ADAM22: variants seen among roughly 807,000 people sequenced by gnomAD.
ADAM22 encodes the protein ADAM metallopeptidase domain 22, also known as disintegrin and metalloproteinase domain-containing protein 22.
In ADAM22, 65 loss-of-function variants were observed where a neutral mutation model predicts 144.6. That is an observed-to-expected ratio of 0.45 (90% CI 0.37 to 0.55). The LOEUF is 0.55. Ranked by LOEUF, ADAM22 falls within the 20% of genes least tolerant of loss-of-function variation. The pLI, the probability that ADAM22 is intolerant of heterozygous loss-of-function variation, is 0.00. For missense variants in ADAM22, 974 were observed against 1,184.9 expected, an observed-to-expected ratio of 0.82 and a Z score of 2.61; for synonymous variants, 391 against 412.6, an observed-to-expected ratio of 0.95 and a Z score of 0.63.
chr7:88,038,006 T>C (rs1030087883), intron 3 of ADAM22, among the ~76,000 whole-genome samples: 2 of 152,192 alleles, frequency 1.3e-5, no homozygotes, highest in Admixed American at 6.5e-5. Context: ...CATAGTGATA[T>C]ATCTCAGCCA....
intron 3 of ADAM22, among the ~76,000 whole-genome samples, chr7:88,039,464 A>AAAAAAAAAAAAAAAAAAAAAAAT: frequency 2.6e-5 from 2 of 76,404 alleles, no homozygotes; most frequent in Non-Finnish European, 5.4e-5. Context: ...AAAAAAAAAA[A>AAAAAAAAAAAAAAAAAAAAAAAT]ATATATATAT....
intron 3 of ADAM22, among the ~76,000 whole-genome samples, chr7:88,005,796 A>G (rs997327327): frequency 1.3e-5 from 2 of 152,194 alleles, no homozygotes; most frequent in Admixed American, 6.5e-5. Context: ...TTAAGAAAAA[A>G]ATATAAAATT....
At chr7:88,085,972 C>T (rs958942308) in intron 4 of ADAM22, among the ~76,000 whole-genome samples, 3 of 152,050 alleles carry the variant, frequency 2.0e-5, no homozygotes, top group Admixed American at 6.6e-5. Flanking sequence ...GTCAGGAGAT[C>T]GAGACCATCA....
intron 3 of ADAM22, among the ~76,000 whole-genome samples, chr7:88,036,206 A>G (rs1448303663): frequency 6.6e-6 from 1 of 152,150 alleles, no homozygotes; most frequent in Non-Finnish European, 1.5e-5. Context: ...TTTTCTATAT[A>G]ATCCTTCATT....
intron 3 of ADAM22, among the ~76,000 whole-genome samples, chr7:87,981,984 A>C (rs1170320872): frequency 6.6e-6 from 1 of 151,144 alleles, no homozygotes; most frequent in East Asian, 1.9e-4. Context: ...ATTTAATACA[A>C]AGTTATTGTG....
chr7:88,144,685 T>C (rs1360732081), intron 15 of ADAM22, among the ~76,000 whole-genome samples: 2 of 152,074 alleles, frequency 1.3e-5, no homozygotes, highest in African/African-American at 2.4e-5. Context: ...GTTTTAGATA[T>C]TAAGTTCTCT....
At chr7:88,033,850 C>T (rs1444222019) in intron 3 of ADAM22, among the ~76,000 whole-genome samples, 1 of 152,104 alleles carries the variant, frequency 6.6e-6, no homozygotes, top group East Asian at 1.9e-4. Context: ...TGGAGTACTG[C>T]CAGGCTACCA....
chr7:88,019,979 T>C (rs1329313946), intron 3 of ADAM22, among the ~76,000 whole-genome samples: 2 of 151,708 alleles, frequency 1.3e-5, no homozygotes, highest in African/African-American at 4.8e-5. Flanking sequence ...TCATCTTCCA[T>C]AATATAGATG....
intron 14 of ADAM22, among the ~76,000 whole-genome samples, chr7:88,142,619 A>T (rs1835036154): frequency 6.6e-6 from 1 of 152,134 alleles, no homozygotes; most frequent in South Asian, 2.1e-4. Context: ...CGGGCGGATC[A>T]CAAAGTCAGG....
intron 2 of ADAM22, among the ~76,000 whole-genome samples, chr7:87,970,693 G>A (rs1850223789): frequency 6.6e-6 from 1 of 152,070 alleles, no homozygotes; most frequent in South Asian, 2.1e-4. Context: ...AGGAGAAGAG[G>A]ACAGGCTGCC....
At chr7:88,153,711 TG>T (rs969508872) in intron 21 of ADAM22, among the ~76,000 whole-genome samples, 4 of 152,218 alleles carry the variant, frequency 2.6e-5, no homozygotes, top group Admixed American at 6.5e-5. Flanking sequence ...ACTGTCCTTC[TG>T]TCTAGAAGCC....
Position 87,934,380 on chromosome 7 carries a change from C to T in ADAM22, c.-86C>T. The T allele has an allele frequency of 5.1e-6, 7 of 1,382,416 alleles. No homozygotes were observed. In the South Asian group the frequency reaches 5.2e-5, roughly 10 times the overall value. The allele number at this position is 1,382,416 out of a possible 1,614,324, so 85.6% of individuals were successfully genotyped here. A position where few individuals can be genotyped will look rare whatever the true frequency, so the allele number is the denominator to read the frequency against. ...TGGGTGGAGGTGGCCGCGGGGACCC[C>T]GGGGGCGCGGAGCGAGGGAAACGGA... On this transcript the variant is annotated 5_prime_UTR_variant, in exon 1 of 32. Coordinates refer to ENST00000413139, the MANE Select transcript of ADAM22 (RefSeq NM_001324418.2).
intron 24 of ADAM22, among the ~76,000 whole-genome samples, chr7:88,167,386 T>C (rs1333714628): frequency 6.6e-6 from 1 of 152,146 alleles, no homozygotes; most frequent in East Asian, 1.9e-4. Flanking sequence ...TTAAAGATTA[T>C]ATCTCAGCCT....
At chr7:88,019,346 G>A (rs1342780542) in intron 3 of ADAM22, among the ~76,000 whole-genome samples, 3 of 151,996 alleles carry the variant, frequency 2.0e-5, no homozygotes, top group African/African-American at 7.3e-5. Flanking sequence ...ATGGTGGTGG[G>A]TGCCTATAAT....
intron 3 of ADAM22, among the ~76,000 whole-genome samples, chr7:88,038,991 G>C (rs556249984): frequency 6.6e-6 from 1 of 151,708 alleles, no homozygotes; most frequent in Non-Finnish European, 1.5e-5. Flanking sequence ...ATGTTGCCCA[G>C]GCTGGTCTCA....
intron 2 of ADAM22, among the ~76,000 whole-genome samples, chr7:87,973,035 A>C (rs1047398620): frequency 1.3e-5 from 2 of 151,852 alleles, no homozygotes; most frequent in East Asian, 3.9e-4. Flanking sequence ...AGGCACGGGC[A>C]GACTTCATGT....
intron 30 of ADAM22, among the ~76,000 whole-genome samples, chr7:88,189,791 A>G (rs1036712202): frequency 3.3e-5 from 5 of 152,022 alleles, no homozygotes; most frequent in African/African-American, 1.2e-4. Flanking sequence ...TAAAAATACA[A>G]AAATTAGCTG....
chr7:87,940,366 A>T (rs921747130), intron 2 of ADAM22, among the ~76,000 whole-genome samples: 1 of 152,100 alleles, frequency 6.6e-6, no homozygotes, highest in Non-Finnish European at 1.5e-5. Context: ...TGTATTACTT[A>T]ATGTTTCAGA....
At chr7:88,036,605 C>T (rs1801578519) in intron 3 of ADAM22, among the ~76,000 whole-genome samples, 1 of 152,068 alleles carries the variant, frequency 6.6e-6, no homozygotes, top group Non-Finnish European at 1.5e-5. Flanking sequence ...TCTGTTTCCC[C>T]TTTGATATAA....
Sources: gnomAD v4.1 joint callset for allele counts (sites outside exome capture counted in the v4.1 genomes callset) on GRCh38, gnomAD v4.1.1 for gene constraint, MANE v1.5 for transcripts, NCBI Gene and HGNC (gene_info 2026-07-23, HGNC 2026-07-21) for gene names.